The following FN3KRP variants were observed in gnomAD, a reference collection of about 807,000 sequenced individuals.
The protein encoded by FN3KRP is fructosamine 3 kinase related protein.
FN3KRP carries 33 observed loss-of-function variants against 29.8 expected under a neutral mutation model. The observed-to-expected ratio is 1.11, with a 90% CI of 0.84 to 1.48. The LOEUF is 1.48. Ranked by LOEUF, FN3KRP falls within the 40% of genes most tolerant of loss-of-function variation. FN3KRP has a pLI of 0.00. For synonymous variants in FN3KRP, 157 were observed against 155.2 expected (o/e 1.01, Z -0.09); for missense variants, 430 against 402.6 (o/e 1.07, Z -0.58).
In FN3KRP at chr17:82,720,312, C is replaced by T; in HGVS notation, c.334C>T (p.Leu112Phe). Residue 112 changes from leucine to phenylalanine, a missense_variant, in exon 3 of 6, where the codon CTT becomes TTT. Physicochemically the swap from Leu to Phe is conservative, Grantham distance 22. Transcript: ENST00000269373. ...KLGAQLADLH[L>F]DNKKLGEMRL... ...TGGAGCCCAGCTGGCCGATTTACAC[C>T]TTGATAACAAGAAGCTTGGAGAGAT... 6.2e-7 allele frequency: 1 copy of T among 1,614,080 alleles called. No homozygotes were observed. Among genetic ancestry groups the T allele is most frequent in the Non-Finnish European group, 8.5e-7 (1 of 1,180,010 alleles).
intron 4 of FN3KRP, among the ~76,000 whole-genome samples, chr17:82,724,518 C>T (rs190156806): frequency 3.3e-5 from 5 of 151,770 alleles, no homozygotes; most frequent in African/African-American, 4.8e-5. Context: ...GCAGGAGAAT[C>T]GCTTGAACCC....
chr17:82,720,439 C>G, intron 3 of FN3KRP, 76 bp downstream of exon 3: 2 of 1,209,420 alleles, frequency 1.7e-6, no homozygotes, highest in Non-Finnish European at 2.4e-6. Flanking sequence ...GAGCGGGGGC[C>G]GTGCAGCAGC....
In FN3KRP at chr17:82,727,024, C is replaced by T. The variant is rs768061080; in HGVS notation, c.783C>T (p.Ser261=). ...GGGGCTTTAGCAGCTCCTTTTACTC[C>T]GCCTACCACGGCAAAATCCCCAAGG... ...MFGGFSSSFY[S]AYHGKIPKAP... The change falls in exon 6 of 6, where the codon TCC becomes TCT. Residue 261 remains serine, a synonymous_variant. Coordinates refer to ENST00000269373, the MANE Select transcript of FN3KRP (RefSeq NM_024619.4). 28 of 1,614,002 alleles carry T rather than the reference C, an allele frequency of 1.7e-5. No homozygotes were observed. The highest frequency in any genetic ancestry group is 5.0e-5 in the Admixed American group (3 of 59,992).
intron 1 of FN3KRP, 25 bp from the exon 2 acceptor site, chr17:82,718,881 A>G: frequency 1.2e-6 from 2 of 1,607,032 alleles, no homozygotes; most frequent in East Asian, 2.2e-5. Context: ...CTGTATTTCC[A>G]CTTCCTCTCG....
chr17:82,726,232 G>A (rs958180878), intron 4 of FN3KRP, among the ~76,000 whole-genome samples: 5 of 152,116 alleles, frequency 3.3e-5, no homozygotes, highest in Non-Finnish European at 5.9e-5. Flanking sequence ...TTCTTGGAAG[G>A]CTACAGAGTG....
At chr17:82,723,633 GCA>G (rs2046816438) in intron 4 of FN3KRP, among the ~76,000 whole-genome samples, 1 of 152,050 alleles carries the variant, frequency 6.6e-6, no homozygotes, top group East Asian at 1.9e-4. Context: ...GTGTATGTGT[GCA>G]CACGTGTGTG....
At chr17:82,717,019 C>A in intron 1 of FN3KRP, 123 bp downstream of exon 1, 1 of 1,182,750 alleles carries the variant, frequency 8.5e-7, no homozygotes, top group Non-Finnish European at 1.1e-6. Context: ...CCCGGGACTG[C>A]CGCCGCCGCC....
chr17:82,726,390 C>G, intron 4 of FN3KRP, 90 bp from the exon 5 acceptor site: 1 of 1,522,682 alleles, frequency 6.6e-7, no homozygotes, highest in Non-Finnish European at 8.9e-7. Context: ...CTCCTGCAGC[C>G]CTCTCCACTT....
At chr17:82,725,549 A>T (rs2046830970) in intron 4 of FN3KRP, among the ~76,000 whole-genome samples, 1 of 152,010 alleles carries the variant, frequency 6.6e-6, no homozygotes, top group Non-Finnish European at 1.5e-5. Context: ...TTCCGGGTTC[A>T]ATCAGTTCTC....
intron 4 of FN3KRP, 152 bp downstream of exon 4, chr17:82,723,038 AT>A (rs2143614057): frequency 3.0e-6 from 2 of 677,346 alleles, no homozygotes; most frequent in East Asian, 5.6e-5. Flanking sequence ...TTGACGTAAG[AT>A]TGACCCACCT....
In FN3KRP at chr17:82,720,301, C is replaced by G. The variant is rs557244633; in HGVS notation, c.323C>G (p.Ala108Gly). The change falls in exon 3 of 6, where the codon GCC becomes GGC. Residue 108 changes from alanine to glycine, a missense_variant. Physicochemically the swap from Ala to Gly is moderately conservative, Grantham distance 60 (BLOSUM62 0). Coordinates refer to ENST00000269373, the MANE Select transcript of FN3KRP (RefSeq NM_024619.4). ...SHAAKLGAQLADLHLDNKKLG... is the reference protein window; with the variant it reads ...SHAAKLGAQLGDLHLDNKKLG... ...GCTGCAAAGCTTGGAGCCCAGCTGG[C>G]CGATTTACACCTTGATAACAAGAAG... 6 of 1,613,952 alleles carry G rather than the reference C, an allele frequency of 3.7e-6. No individual in the cohort carries two copies. Among genetic ancestry groups the G allele is most frequent in the Non-Finnish European group, 5.1e-6 (6 of 1,180,008 alleles).
At chr17:82,722,909 T>A (rs763557239) in intron 4 of FN3KRP, 23 bp downstream of exon 4, 1 of 1,608,048 alleles carries the variant, frequency 6.2e-7, no homozygotes, top group Non-Finnish European at 8.5e-7. Context: ...CGTTTGCTTC[T>A]ATTTCACAAT....
chr17:82,719,932 A>G (rs2046786587), intron 2 of FN3KRP, among the ~76,000 whole-genome samples: 1 of 152,226 alleles, frequency 6.6e-6, no homozygotes, highest in Non-Finnish European at 1.5e-5. Flanking sequence ...TGGGAGGCCA[A>G]GGTGGGCGGA....
At position 82,719,056 on chromosome 17, in the gene FN3KRP, A is replaced by G. The variant is rs748836586; in HGVS notation, c.292A>G (p.Ser98Gly). Reference sequence around the variant, plus strand: ...GCACATGGACATGAGGCATCTGAGCAGGTGCATCTTCACACCACCCCCCAC... The same window carrying G: ...GCACATGGACATGAGGCATCTGAGCGGGTGCATCTTCACACCACCCCCCAC... Reference protein sequence around the residue: ...MEHMDMRHLSSHAAKLGAQLA... With the variant: ...MEHMDMRHLSGHAAKLGAQLA... The change falls in exon 2 of 6, where the codon AGT becomes GGT. Residue 98 changes from serine to glycine, a missense_variant and splice_region_variant. Physicochemically the swap from Ser to Gly is moderately conservative, Grantham distance 56. Coordinates refer to ENST00000269373, the MANE Select transcript of FN3KRP (RefSeq NM_024619.4). 2 of 1,586,798 alleles carry G rather than the reference A, an allele frequency of 1.3e-6. No individual in the cohort carries two copies. Among genetic ancestry groups the G allele is most frequent in the Non-Finnish European group, 1.7e-6 (2 of 1,172,102 alleles).
chr17:82,719,142 A>C (rs1598332453), intron 2 of FN3KRP, 85 bp downstream of exon 2: 1 of 1,259,886 alleles, frequency 7.9e-7, no homozygotes, highest in Non-Finnish European at 1.1e-6. Context: ...GTGTCTTCAC[A>C]CCACCCACTG....
chr17:82,722,310 TGTTCA>T (rs1156234295), intron 3 of FN3KRP, among the ~76,000 whole-genome samples: 2 of 152,356 alleles, frequency 1.3e-5, no homozygotes, highest in East Asian at 3.9e-4. Flanking sequence ...AATTTTTATA[TGTTCA>T]GTAGAGACAG....
chr17:82,722,849 G>A lies in FN3KRP; in HGVS notation c.431G>A (p.Gly144Glu). 6.2e-7 allele frequency: 1 copy of A among 1,614,132 alleles called. No homozygotes were observed. Among genetic ancestry groups the A allele is most frequent in the Non-Finnish European group, 8.5e-7 (1 of 1,180,036 alleles). The change falls in exon 4 of 6, where the codon GGA (glycine) becomes GAA (glutamate). Residue 144 changes from glycine to glutamate, a missense_variant. Coordinates refer to ENST00000269373, the MANE Select transcript of FN3KRP (RefSeq NM_024619.4). ...QEERPFVARF[G>E]FDVVTCCGYL... ...GAACGGCCCTTTGTGGCCCGGTTTG[G>A]ATTTGACGTGGTGACGTGCTGTGGA... is the stretch of plus-strand genomic sequence containing the variant.
chr17:82,724,411 C>G (rs972195781), intron 4 of FN3KRP, among the ~76,000 whole-genome samples: 1 of 152,082 alleles, frequency 6.6e-6, no homozygotes, highest in African/African-American at 2.4e-5. Flanking sequence ...TGAGACCAGC[C>G]TGACCAACAT....
chr17:82,722,980 T>C (rs2046809295), intron 4 of FN3KRP, 94 bp downstream of exon 4: 3 of 1,153,622 alleles, frequency 2.6e-6, no homozygotes, highest in Non-Finnish European at 3.8e-6. Flanking sequence ...TTTTGTGAGC[T>C]TCAGTAAAAG....
Sources: gnomAD v4.1 joint callset for allele counts (sites outside exome capture counted in the v4.1 genomes callset) on GRCh38, gnomAD v4.1.1 for gene constraint, MANE v1.5 for transcripts, NCBI Gene and HGNC (gene_info 2026-07-23, HGNC 2026-07-21) for gene names.